NDOR1: variants seen among roughly 807,000 people sequenced by gnomAD.
NDOR1 encodes NADPH dependent diflavin oxidoreductase 1.
A neutral mutation model predicts 67.2 loss-of-function variants in NDOR1; 61 were observed. The observed-to-expected ratio is 0.91, with a 90% CI of 0.74 to 1.12. NDOR1 has a LOEUF of 1.12. Among genes scored for constraint, NDOR1 ranks in the 50% most tolerant of loss-of-function variants. NDOR1 has a pLI of 0.00. For synonymous variants in NDOR1, 378 were observed against 343.7 expected (o/e 1.10, Z -1.10); for missense variants, 878 against 802.8 (o/e 1.09, Z -1.13).
intron 2 of NDOR1, among the ~76,000 whole-genome samples, chr9:137,210,742 G>T (rs1374736546): frequency 2.0e-5 from 3 of 152,070 alleles, no homozygotes; most frequent in African/African-American, 4.8e-5. Context: ...CACTACTTGG[G>T]AGGCTGAGGT....
Position 137,216,390 on chromosome 9 carries a change from C to T in NDOR1, c.1768C>T (p.Arg590Cys), listed in dbSNP as rs867182016. The part of the protein sequence containing the change: ...AYLARLQQTR[R>C]FQTETWA ...TCTAGCCAGGCTCCAGCAGACACGGCGCTTCCAGACAGAGACGTGGGCCTG... is the reference window on the plus strand; with the variant it reads ...TCTAGCCAGGCTCCAGCAGACACGGTGCTTCCAGACAGAGACGTGGGCCTG... The change falls in exon 14 of 14, where the codon CGC (arginine) becomes TGC (cysteine). Residue 590 changes from arginine (R) to cysteine (C), a missense_variant. Physicochemically the swap from Arg to Cys is radical, Grantham distance 180. Transcript: ENST00000684003. 5.0e-6 allele frequency: 8 copies of T among 1,605,854 alleles called. No homozygotes were observed. Among genetic ancestry groups the T allele is most frequent in the Admixed American group, 3.3e-5 (2 of 60,022 alleles).
rs374183459 is a variant in NDOR1 at position 137,213,888 on chromosome 9, C to T, written c.410+10C>T. ...ACCAGCATGAGCTGGGGTGAGTCTG[C>T]GGGCGTGGTACCCGCCTCCACAGTC... On this transcript the variant is annotated intron_variant, in intron 4 of 13. Coordinates refer to ENST00000684003, the MANE Select transcript of NDOR1 (RefSeq NM_014434.4). 3.4e-5 allele frequency: 55 copies of T among 1,603,086 alleles called. No homozygotes were observed. Among genetic ancestry groups the T allele is most frequent in the African/African-American group, 2.3e-4 (17 of 74,864 alleles).
intron 2 of NDOR1, among the ~76,000 whole-genome samples, chr9:137,208,950 A>G (rs545621872): frequency 5.3e-5 from 8 of 152,116 alleles, no homozygotes; most frequent in South Asian, 2.1e-4. Context: ...CGTTGATCCC[A>G]GCTCACTGCA....
At chr9:137,215,583 C>G in intron 10 of NDOR1, 62 bp downstream of exon 10, 1 of 1,607,666 alleles carries the variant, frequency 6.2e-7, no homozygotes, top group Non-Finnish European at 8.5e-7. Flanking sequence ...CATGCTCATG[C>G]AAATGCTGGG....
Position 137,214,989 on chromosome 9 carries a change from T to C in NDOR1, c.1036T>C (p.Cys346Arg). ...AGGCCAGGAGGAGCTCTTTGAATAC[T>C]GCAACCGGCCCCGCAGGACCATCCT... ...AQGQEELFEY[C>R]NRPRRTILEV... is the part of the protein sequence containing the mutation. Residue 346 changes from cysteine (C) to arginine (R), a missense_variant, in exon 8 of 14, where the codon TGC (cysteine) becomes CGC (arginine). Cys to Arg is a radical substitution (Grantham distance 180). Transcript: ENST00000684003. 6.2e-7 allele frequency: 1 copy of C among 1,613,332 alleles called. No homozygotes were observed.
In NDOR1 at chr9:137,212,772, C is replaced by T. The variant is rs1835326672; in HGVS notation, c.311+173C>T. 2 of 626,568 alleles carry T rather than the reference C, an allele frequency of 3.2e-6. No homozygotes were observed. Among genetic ancestry groups the T allele is most frequent in the East Asian group, 2.8e-5 (1 of 36,172 alleles). The allele number at this position is 626,568 out of a possible 1,614,324, so 38.8% of individuals were successfully genotyped here. A position where few individuals can be genotyped will look rare whatever the true frequency, so the allele number is the denominator to read the frequency against. Reference sequence around the variant, plus strand: ...CCTGGTGGGCACCCCAGGCTTCACGCTGCGGGGAGGGCACAGAGGGGAGCA... The same window carrying T: ...CCTGGTGGGCACCCCAGGCTTCACGTTGCGGGGAGGGCACAGAGGGGAGCA... On this transcript the variant is annotated intron_variant, in intron 3 of 13. Coordinates refer to ENST00000684003, the MANE Select transcript of NDOR1 (RefSeq NM_014434.4). The surrounding 1 kb of genome is among the most constrained non-coding windows in gnomAD (Gnocchi z 4.3).
Position 137,215,746 on chromosome 9 carries a change from G to A in NDOR1, c.1376G>A (p.Gly459Asp). ...ACACCTGTGATCATGGTGGGGCCTG[G>A]CACTGGGGTAGCCCCCTTCCGAGCA... The part of the protein sequence containing the change: ...PDTPVIMVGP[G>D]TGVAPFRAAI... The change falls in exon 11 of 14, where the codon GGC (glycine) becomes GAC (aspartate). Residue 459 changes from glycine to aspartate, a missense_variant. Transcript: ENST00000684003. 1 of 1,603,310 alleles carries A rather than the reference G, an allele frequency of 6.2e-7. No individual in the cohort carries two copies. Among genetic ancestry groups the A allele is most frequent in the Non-Finnish European group, 8.5e-7 (1 of 1,173,916 alleles).
chr9:137,216,029 C>G lies in NDOR1; in HGVS notation c.1554+12C>G. On this transcript the variant is annotated intron_variant, in intron 12 of 13. Transcript: ENST00000684003. ...TCTCCCGGGAACAGGTGTGTATGCT[C>G]AGGGGCTGGGAAAGGAGGGGAGGGA... 1 of 1,613,572 alleles carries G rather than the reference C, an allele frequency of 6.2e-7. No individual in the cohort carries two copies. The highest frequency in any genetic ancestry group is 1.1e-5 in the South Asian group (1 of 91,084).
rs532551428 is a variant in NDOR1 at position 137,214,812 on chromosome 9, A to T, written c.859A>T (p.Thr287Ser). ...QPREPDVSSPTRLPQPCSMRH... is the reference protein window; with the variant it reads ...QPREPDVSSPSRLPQPCSMRH... ...TCACCCTGCAGATGTCTCCTCCCCC[A>T]CGAGGCTGCCCCAGCCCTGCTCCAT... The change falls in exon 8 of 14, where the codon ACG becomes TCG. Residue 287 changes from threonine (T) to serine (S), a missense_variant. Coordinates refer to ENST00000684003, the MANE Select transcript of NDOR1 (RefSeq NM_014434.4). The T allele has an allele frequency of 6.9e-6, 11 of 1,603,576 alleles. No individual in the cohort carries two copies. The highest frequency in any genetic ancestry group is 9.3e-6 in the Non-Finnish European group (11 of 1,178,180).
At chr9:137,206,608 C>T (rs1834983670) in intron 2 of NDOR1, among the ~76,000 whole-genome samples, 2 of 152,176 alleles carry the variant, frequency 1.3e-5, no homozygotes, top group Non-Finnish European at 2.9e-5. Context: ...CCTCAGGGAA[C>T]GTTGCTGAAT....
In NDOR1 at chr9:137,214,908, T is replaced by G; in HGVS notation, c.955T>G (p.Cys319Gly). Reference protein sequence around the residue: ...PRRSFFELLACLSLHELEREK... With the variant: ...PRRSFFELLAGLSLHELEREK... ...CCGCTCCTTCTTCGAACTCCTGGCC[T>G]GTCTATCCCTCCATGAGCTGGAGCG... Residue 319 changes from cysteine (C) to glycine (G), a missense_variant, in exon 8 of 14, where the codon TGT becomes GGT. Physicochemically the swap from Cys to Gly is radical, Grantham distance 159 (BLOSUM62 -3). Coordinates refer to ENST00000684003, the MANE Select transcript of NDOR1 (RefSeq NM_014434.4). The G allele has an allele frequency of 6.2e-7, 1 of 1,612,960 alleles. No homozygotes were observed. The highest frequency in any genetic ancestry group is 8.5e-7 in the Non-Finnish European group (1 of 1,180,030).
At position 137,217,644 on chromosome 9, in the gene NDOR1, G is replaced by C; in HGVS notation, c.*1228G>C. 2 of 228,666 alleles carry C rather than the reference G, an allele frequency of 8.7e-6. No individual in the cohort carries two copies. Among genetic ancestry groups the C allele is most frequent in the Non-Finnish European group, 1.7e-5 (2 of 118,174 alleles). 14.2% of individuals were successfully genotyped at this position (228,666 alleles called of 1,614,324 possible). A position where few individuals can be genotyped will look rare whatever the true frequency, so the allele number is the denominator to read the frequency against. The stretch of plus-strand genomic sequence containing the variant: ...CACCCAGAGCAGGCAGGCCTTGCTG[G>C]GGCCCCAGTCAAGTCCACTTCCAGT... On this transcript the variant is annotated 3_prime_UTR_variant, in exon 14 of 14. Transcript: ENST00000684003.
intron 2 of NDOR1, among the ~76,000 whole-genome samples, chr9:137,208,737 G>A (rs1835103322): frequency 6.6e-6 from 1 of 151,264 alleles, no homozygotes; most frequent in Non-Finnish European, 1.5e-5. Context: ...GGCGGGAGGA[G>A]CTCTTGAACT....
rs1216952053 is a variant in NDOR1, at chr9:137,205,758, A to G, written c.-20A>G. 14 of 1,601,894 alleles carry G rather than the reference A, an allele frequency of 8.7e-6. No individual in the cohort carries two copies. Among genetic ancestry groups the G allele is most frequent in the Non-Finnish European group, 1.2e-5 (14 of 1,179,574 alleles). On this transcript the variant is annotated 5_prime_UTR_variant, in exon 1 of 14. Transcript: ENST00000684003. ...GCCTTCTAGTTTTTAGTCTCAGACC[A>G]GACCACCGGGCGCACCCCGATGCCG...
At position 137,205,930 on chromosome 9, in the gene NDOR1, C is replaced by T; in HGVS notation, c.135+18C>T. On this transcript the variant is annotated intron_variant, in intron 1 of 13. Coordinates refer to ENST00000684003, the MANE Select transcript of NDOR1 (RefSeq NM_014434.4). ...ACCCGGTGGTGAGGGCTCGCTAGGG[C>T]CTCGGCGTGGGGGACGAGCAGGCCT... 1 of 1,570,798 alleles carries T rather than the reference C, an allele frequency of 6.4e-7. No homozygotes were observed. The highest frequency in any genetic ancestry group is 8.6e-7 in the Non-Finnish European group (1 of 1,163,624).
At position 137,216,200 on chromosome 9, in the gene NDOR1, T is replaced by C; in HGVS notation, c.1649+12T>C. 6.2e-7 allele frequency: 1 copy of C among 1,613,282 alleles called. No individual in the cohort carries two copies. Among genetic ancestry groups the C allele is most frequent in the South Asian group, 1.1e-5 (1 of 91,076 alleles). ...TTCTACCTGGCAGGGTGAGCTGGCC[T>C]GCGTGCAGCAGGAGTGGGCCCAGCC... is the stretch of plus-strand genomic sequence containing the variant. On this transcript the variant is annotated intron_variant, in intron 13 of 13. Coordinates refer to ENST00000684003, the MANE Select transcript of NDOR1 (RefSeq NM_014434.4).
Position 137,212,067 on chromosome 9 carries a change from C to G in NDOR1, c.214-435C>G, listed in dbSNP as rs979977369. On this transcript the variant is annotated intron_variant, in intron 2 of 13. Transcript: ENST00000684003. This position sits in a 1 kb window ranked among gnomAD's most constrained non-coding sequence, Gnocchi z 4.3. Reference sequence around the variant, plus strand: ...CTCAGAGGTCTGAGTATAGGAGCCTCTGGGACAGACCAACTCAGGGAGTGG... The same window carrying G: ...CTCAGAGGTCTGAGTATAGGAGCCTGTGGGACAGACCAACTCAGGGAGTGG... Among the ~76,000 whole-genome samples, 4 of 152,122 alleles carry G rather than the reference C, an allele frequency of 2.6e-5. No individual in the cohort carries two copies. The highest frequency in any genetic ancestry group is 5.9e-5 in the Non-Finnish European group (4 of 68,020).
At position 137,210,879 on chromosome 9, in the gene NDOR1, G is replaced by A. The variant is rs188235585; in HGVS notation, c.214-1623G>A. Among the ~76,000 whole-genome samples the A allele has an allele frequency of 8.6e-4, 131 of 152,276 alleles. 2 individuals are homozygous for A. Among genetic ancestry groups the A allele is most frequent in the African/African-American group, 2.8e-3 (118 of 41,558 alleles). On this transcript the variant is annotated intron_variant, in intron 2 of 13. Coordinates refer to ENST00000684003, the MANE Select transcript of NDOR1 (RefSeq NM_014434.4). Reference sequence around the variant, plus strand: ...AAAAAGGCCGGGCACGACGGCTCACGCCTGTAATACCAACACTTTGGGAGG... The same window carrying A: ...AAAAAGGCCGGGCACGACGGCTCACACCTGTAATACCAACACTTTGGGAGG...
Position 137,218,387 on chromosome 9 carries a change from G to T in NDOR1, c.*1971G>T. 7.5e-6 allele frequency: 3 copies of T among 398,338 alleles called. No homozygotes were observed. Among genetic ancestry groups the T allele is most frequent in the Non-Finnish European group, 1.3e-5 (3 of 226,048 alleles). 24.7% of individuals were successfully genotyped at this position (398,338 alleles called of 1,614,324 possible). A position where few individuals can be genotyped will look rare whatever the true frequency, so the allele number is the denominator to read the frequency against. Reference sequence around the variant, plus strand: ...GCACCGCTACCAGCTGCGCTTCCTGGCAGGGCCCGTGGGCGGCCGGGGCTG... The same window carrying T: ...GCACCGCTACCAGCTGCGCTTCCTGTCAGGGCCCGTGGGCGGCCGGGGCTG... On this transcript the variant is annotated 3_prime_UTR_variant, in exon 14 of 14. Transcript: ENST00000684003.
Sources: gnomAD v4.1 joint callset for allele counts (sites outside exome capture counted in the v4.1 genomes callset) on GRCh38, gnomAD v4.1.1 for gene constraint, Gnocchi (gnomAD v3.1) non-coding constraint, MANE v1.5 for transcripts, NCBI Gene and HGNC (gene_info 2026-07-23, HGNC 2026-07-21) for gene names.